The following NXF2 variants were observed in gnomAD, a reference collection of about 807,000 sequenced individuals.
The protein encoded by NXF2 is TAP-like protein 2.
chrX:102,293,554 TA>T, intron 2 of NXF2, among the ~76,000 whole-genome samples: 1 of 34,954 alleles, frequency 2.9e-5, no homozygotes, highest in East Asian at 7.5e-4. Context: ...TATATATATA[TA>T]TATATATATA....
At chrX:102,294,219 G>A (rs1440627149) in intron 2 of NXF2, among the ~76,000 whole-genome samples, 1 of 105,818 alleles carries the variant, frequency 9.5e-6, no homozygotes, top group Non-Finnish European at 1.9e-5. Context: ...CTGTTGAAAA[G>A]ATACACTATG....
At chrX:102,298,744 T>C (rs1556385464) in intron 2 of NXF2, among the ~76,000 whole-genome samples, 3 of 114,750 alleles carry the variant, frequency 2.6e-5, no homozygotes, top group South Asian at 3.4e-4. Context: ...TGCAGAGCTA[T>C]ATCTAAGTTT....
chrX:102,281,913 A>T (rs1933920906), intron 2 of NXF2, among the ~76,000 whole-genome samples: 1 of 68,083 alleles, frequency 1.5e-5, no homozygotes, highest in Non-Finnish European at 2.7e-5. Flanking sequence ...GGTTCACGCC[A>T]TTCTCCTGCC....
chrX:102,281,784 G>A (rs1191805428), intron 2 of NXF2, among the ~76,000 whole-genome samples: 1 of 74,118 alleles, frequency 1.3e-5, no homozygotes, highest in African/African-American at 5.2e-5. Context: ...TCAACACCAG[G>A]ACTCACCTAA....
intron 2 of NXF2, among the ~76,000 whole-genome samples, chrX:102,251,162 G>C (rs1429026936): frequency 7.1e-4 from 7 of 9,830 alleles, no homozygotes; most frequent in East Asian, 2.3e-3. Context: ...ATGGGGCCTC[G>C]CTATGTTGCC....
At chrX:102,253,997 T>C (rs1490910156) in intron 2 of NXF2, among the ~76,000 whole-genome samples, 1 of 12,364 alleles carries the variant, frequency 8.1e-5, no homozygotes, top group Non-Finnish European at 1.5e-4. Flanking sequence ...GTTTTACTTT[T>C]ATTTTTTTAA....
chrX:102,282,284 T>G (rs1345736070), intron 2 of NXF2, among the ~76,000 whole-genome samples: 1 of 113,393 alleles, frequency 8.8e-6, no homozygotes, highest in African/African-American at 3.2e-5. Flanking sequence ...TGGGGGGGCA[T>G]GAGCTGAGTT....
chrX:102,285,931 GTTTGTTTTTGTT>G (rs1255961269), intron 2 of NXF2, among the ~76,000 whole-genome samples: 1 of 32,399 alleles, frequency 3.1e-5, no homozygotes, highest in African/African-American at 1.4e-4. Flanking sequence ...TTTTTTGTTT[GTTTGTTTTTGTT>G]TTTTTTTTTT....
chrX:102,293,819 C>T (rs1434123622), intron 2 of NXF2, among the ~76,000 whole-genome samples: 3 of 11,098 alleles, frequency 2.7e-4, no homozygotes, highest in Non-Finnish European at 1.6e-4. Flanking sequence ...ACTCCTGACC[C>T]CGTGATCCGC....
intron 2 of NXF2, among the ~76,000 whole-genome samples, chrX:102,251,760 T>A (rs1933821966): frequency 2.6e-5 from 2 of 77,998 alleles, no homozygotes; most frequent in Non-Finnish European, 4.9e-5. Context: ...GCTCTCTATA[T>A]ATTTGGAATA....
intron 2 of NXF2, among the ~76,000 whole-genome samples, chrX:102,281,721 T>C (rs1933916822): frequency 1.1e-5 from 1 of 88,047 alleles, no homozygotes; most frequent in Non-Finnish European, 2.2e-5. Context: ...TCTCAGTATG[T>C]CGTGTGACCC....
chrX:102,252,219 C>T (rs1285195254), intron 2 of NXF2, among the ~76,000 whole-genome samples: 411 of 70,073 alleles, frequency 5.9e-3, no homozygotes, highest in African/African-American at 0.022. Context: ...TCTCAAACTC[C>T]GGACCTCAGG....
intron 2 of NXF2, among the ~76,000 whole-genome samples, chrX:102,299,111 C>T (rs1187021737): frequency 1.6e-4 from 3 of 19,316 alleles, no homozygotes; most frequent in Non-Finnish European, 2.9e-4. Flanking sequence ...ATATATGATA[C>T]GTTGTTATTA....
At chrX:102,252,164 C>T (rs1469074950) in intron 2 of NXF2, among the ~76,000 whole-genome samples, 1 of 74,167 alleles carries the variant, frequency 1.3e-5, no homozygotes. Context: ...GGCTCATTTT[C>T]GTATTTTTAG....
At chrX:102,294,338 AG>A (rs1404925300) in intron 2 of NXF2, among the ~76,000 whole-genome samples, 1 of 92,733 alleles carries the variant, frequency 1.1e-5, no homozygotes, top group Non-Finnish European at 2.1e-5. Context: ...ATTCTAAAGA[AG>A]GGGGTTAAGA....
intron 2 of NXF2, among the ~76,000 whole-genome samples, chrX:102,298,745 A>G (rs1368218389): frequency 8.7e-6 from 1 of 114,756 alleles, no homozygotes; most frequent in Admixed American, 9.1e-5. Context: ...GCAGAGCTAT[A>G]TCTAAGTTTC....
chrX:102,266,462 C>CA (rs1287381401), intron 2 of NXF2, among the ~76,000 whole-genome samples: 2 of 42,730 alleles, frequency 4.7e-5, no homozygotes, highest in African/African-American at 7.4e-5. Context: ...GATAGAGACA[C>CA]AAAAAACCCT....
At chrX:102,252,092 A>G (rs1364938528) in intron 2 of NXF2, among the ~76,000 whole-genome samples, 1 of 97,569 alleles carries the variant, frequency 1.0e-5, no homozygotes, top group African/African-American at 3.8e-5. Context: ...TCCCAGGTTC[A>G]AGCAATTCTC....
chrX:102,248,255 CATCTT>C lies in NXF2; in HGVS notation c.-175-179_-175-175del, dbSNP rs1459429393. On this transcript the variant is annotated intron_variant, in intron 1 of 22. Transcript: ENST00000625106. ...CTCGCCTGGATTTCCTTAATGTTAA[CATCTT>C]ATATAACCATAGAAAAATTACCAAA... Among the ~76,000 whole-genome samples the C allele has an allele frequency of 1.2e-4, 4 of 32,013 alleles. No individual in the cohort carries two copies. The Admixed American group carries it at 1.7e-3, about 14-fold the overall frequency. 27.8% of individuals were successfully genotyped at this position (32,013 alleles called of 115,157 possible).
Sources: allele counts gnomAD v4.1 joint callset (sites outside exome capture counted in the v4.1 genomes callset), GRCh38; gene constraint gnomAD v4.1.1; transcripts MANE v1.5; gene names NCBI Gene and HGNC (gene_info 2026-07-23, HGNC 2026-07-21).